SRSF7: variants seen among roughly 807,000 people sequenced by gnomAD.
SRSF7 encodes serine/arginine-rich splicing factor 7.
SRSF7 carries 15 observed loss-of-function variants against 42.2 expected under a neutral mutation model. The ratio of observed to expected loss-of-function variants is 0.36; its 90% confidence interval spans 0.24 to 0.55. SRSF7 has a LOEUF of 0.55. SRSF7 is among the 20% of genes least tolerant of loss of function. The probability of loss-of-function intolerance (pLI) is 0.88; values close to 1 mark genes in which losing one functional copy is unlikely to be tolerated. For synonymous variants in SRSF7, 138 were observed against 107.9 expected (o/e 1.28, Z -1.73); for missense variants, 181 against 305.9 (o/e 0.59, Z 3.04).
At chr2:38,745,427 G>C (rs1667219640) in intron 7 of SRSF7, among the ~76,000 whole-genome samples, 2 of 147,994 alleles carry the variant, frequency 1.4e-5, no homozygotes, top group Non-Finnish European at 3.1e-5. Context: ...GGCCGAGGCA[G>C]GTGATCACCT....
Position 38,751,300 on chromosome 2 carries a change from G to A in SRSF7, c.-44C>T. ...TCGGCTCTTTAGCAAGCAGCGCCCA[G>A]GGCTCGAGTGACGCAAAAGCTGACA... On this transcript the variant is annotated 5_prime_UTR_variant, in exon 1 of 8. Coordinates refer to ENST00000313117, the MANE Select transcript of SRSF7 (RefSeq NM_001031684.3). 1.1e-5 allele frequency: 17 copies of A among 1,613,698 alleles called. No homozygotes were observed. The highest frequency in any genetic ancestry group is 1.7e-5 in the Admixed American group (1 of 60,012).
chr2:38,746,592 G>A (rs1297757197), intron 6 of SRSF7, 102 bp downstream of exon 6: 2 of 1,544,432 alleles, frequency 1.3e-6, no homozygotes, highest in African/African-American at 2.8e-5. Context: ...TAAAACCTAA[G>A]TTTAGAGTTA....
intron 7 of SRSF7, among the ~76,000 whole-genome samples, chr2:38,745,848 T>G (rs1667309791): frequency 6.6e-6 from 1 of 152,170 alleles, no homozygotes; most frequent in Non-Finnish European, 1.5e-5. Flanking sequence ...ACACTTTGTA[T>G]CTATTGTACA....
intron 4 of SRSF7, 27 bp downstream of exon 4, chr2:38,748,552 A>G (rs1395477270): frequency 1.2e-6 from 2 of 1,607,294 alleles, no homozygotes; most frequent in African/African-American, 1.3e-5. Context: ...AATAATACAG[A>G]AAGACTTCAG....
chr2:38,748,468 G>T, intron 4 of SRSF7, 111 bp downstream of exon 4: 1 of 1,087,402 alleles, frequency 9.2e-7, no homozygotes. Context: ...ACTCCAGCCC[G>T]GGTGACAGAG....
chr2:38,751,350 CG>C lies in SRSF7; in HGVS notation c.-95del. On this transcript the variant is annotated 5_prime_UTR_variant, in exon 1 of 8. Transcript: ENST00000313117. ...ACACACCTTCACCCGCCAAGAGTCC[CG>C]GCGGCACTACGAGGAAGAGCCCGGG... The C allele has an allele frequency of 8.3e-6, 13 of 1,568,572 alleles. No homozygotes were observed. The African/African-American group carries it at 1.3e-4, about 16-fold the overall frequency.
In SRSF7 at chr2:38,744,103, T is replaced by TACAA; in HGVS notation, c.*1026_*1029dup. ...AGTGTTGCTAAATATAGCTGAGATT[T>TACAA]ACAAAACCACTTTAGTCTCATTGAC... On this transcript the variant is annotated 3_prime_UTR_variant, in exon 8 of 8. Coordinates refer to ENST00000313117, the MANE Select transcript of SRSF7 (RefSeq NM_001031684.3). 5 of 152,560 alleles carry TACAA rather than the reference T, an allele frequency of 3.3e-5. No individual in the cohort carries two copies. The East Asian group carries it at 9.6e-4, about 29-fold the overall frequency. The allele number at this position is 152,560 out of a possible 1,614,324, so 9.5% of individuals were successfully genotyped here. A position where few individuals can be genotyped will look rare whatever the true frequency, so the allele number is the denominator to read the frequency against.
chr2:38,748,001 G>T, intron 5 of SRSF7, 46 bp downstream of exon 5: 1 of 1,378,860 alleles, frequency 7.3e-7, no homozygotes, highest in Non-Finnish European at 1.0e-6. Context: ...CTACTGATAA[G>T]ATGTGAACAA....
At position 38,748,131 on chromosome 2, in the gene SRSF7, G is replaced by T; in HGVS notation, c.488C>A (p.Ser163Ter). ...RRSRSASPRR[S>*]RSISLRRSRS... ...TGATCTACGAAGAGAGATAGATCTT[G>T]ATCGTCGAGGAGATGCTGACCTTGA... The change falls in exon 5 of 8, where the codon TCA becomes TAA. Residue 163 changes from serine to a stop codon, truncating the protein, a stop_gained. Coordinates refer to ENST00000313117, the MANE Select transcript of SRSF7 (RefSeq NM_001031684.3). LOFTEE classifies it high-confidence loss of function. 6.2e-7 allele frequency: 1 copy of T among 1,613,512 alleles called. No homozygotes were observed. The highest frequency in any genetic ancestry group is 1.1e-5 in the South Asian group (1 of 91,038).
At chr2:38,748,556 A>G (rs900364665) in intron 4 of SRSF7, 23 bp downstream of exon 4, 3 of 1,608,160 alleles carry the variant, frequency 1.9e-6, no homozygotes, top group Non-Finnish European at 2.6e-6. Flanking sequence ...ATACAGAAAG[A>G]CTTCAGTTAA....
Position 38,751,341 on chromosome 2 carries a change from C to A in SRSF7, c.-85G>T. 6.3e-7 allele frequency: 1 copy of A among 1,593,350 alleles called. No individual in the cohort carries two copies. Among genetic ancestry groups the A allele is most frequent in the South Asian group, 1.1e-5 (1 of 90,534 alleles). ...AAAGCTGACACACACCTTCACCCGC[C>A]AAGAGTCCCGGCGGCACTACGAGGA... On this transcript the variant is annotated 5_prime_UTR_variant, in exon 1 of 8. Coordinates refer to ENST00000313117, the MANE Select transcript of SRSF7 (RefSeq NM_001031684.3).
chr2:38,744,692 C>G lies in SRSF7; in HGVS notation c.*441G>C. On this transcript the variant is annotated 3_prime_UTR_variant, in exon 8 of 8. Coordinates refer to ENST00000313117, the MANE Select transcript of SRSF7 (RefSeq NM_001031684.3). ...CATAAGGGACTCAGGTCATCTTACC[C>G]AGAGCTACAAGGGTAAGATGGAATT... The G allele has an allele frequency of 6.1e-6, 1 of 163,648 alleles. No homozygotes were observed. The highest frequency in any genetic ancestry group is 1.7e-4 in the East Asian group (1 of 5,820). 10.1% of individuals were successfully genotyped at this position (163,648 alleles called of 1,614,324 possible). A position where few individuals can be genotyped will look rare whatever the true frequency, so the allele number is the denominator to read the frequency against.
chr2:38,746,982 A>G, intron 5 of SRSF7: 1 of 690,252 alleles, frequency 1.4e-6, no homozygotes, highest in South Asian at 1.6e-5. Flanking sequence ...CAGGTATAAC[A>G]TTCTCAAACA....
chr2:38,750,913 CCGCCG>C, intron 1 of SRSF7: 1 of 380,288 alleles, frequency 2.6e-6, no homozygotes, highest in South Asian at 2.7e-5. Flanking sequence ...ATGGCAGCCG[CCGCCG>C]AGGGCGGGGG....
upstream of SRSF7, chr2:38,751,420 T>C (rs1668353405): frequency 4.5e-6 from 4 of 881,188 alleles, no homozygotes; most frequent in Admixed American, 8.8e-5. Flanking sequence ...GCATGCGTCA[T>C]CTCGTTGTTC....
intron 6 of SRSF7, 94 bp from the exon 7 acceptor site, chr2:38,746,273 C>T (rs768095650): frequency 3.3e-4 from 465 of 1,395,038 alleles, no homozygotes; most frequent in Non-Finnish European, 4.5e-4. Flanking sequence ...ATGTCCTAAG[C>T]TTAAAATGTC....
chr2:38,748,562 G>C lies in SRSF7; in HGVS notation c.461+17C>G. ...TTAATAATAATACAGAAAGACTTCA[G>C]TTAAACAAGATCTCACCTTCGTCCC... is the stretch of plus-strand genomic sequence containing the variant. On this transcript the variant is annotated intron_variant, in intron 4 of 7. Transcript: ENST00000313117. 2 of 1,612,172 alleles carry C rather than the reference G, an allele frequency of 1.2e-6. No homozygotes were observed. Among genetic ancestry groups the C allele is most frequent in the South Asian group, 1.1e-5 (1 of 91,050 alleles).
At chr2:38,746,894 TCAAA>T (rs761676219) in intron 5 of SRSF7, 147 bp from the exon 6 acceptor site, 49 of 1,352,872 alleles carry the variant, frequency 3.6e-5, no homozygotes, top group African/African-American at 7.3e-5. Flanking sequence ...TAACACACTG[TCAAA>T]CAAAGTGTTA....
chr2:38,750,242 C>T (rs376241840), intron 1 of SRSF7, 48 bp from the exon 2 acceptor site: 7 of 1,542,042 alleles, frequency 4.5e-6, no homozygotes, highest in Non-Finnish European at 6.1e-6. Flanking sequence ...AAAATCTGGC[C>T]CAAGTTTCAA....
Sources: gnomAD v4.1 joint callset for allele counts (sites outside exome capture counted in the v4.1 genomes callset) on GRCh38, gnomAD v4.1.1 for gene constraint, MANE v1.5 for transcripts, NCBI Gene and HGNC (gene_info 2026-07-23, HGNC 2026-07-21) for gene names.